Variants in CFAP96 observed in about 807,000 individuals in gnomAD.
The protein encoded by CFAP96 is cilia-and flagella-associated protein 96.
chr4:185,443,342 A>ATATATATATATATATATTTT, the CFAP96 span, among the ~76,000 whole-genome samples: 11 of 26,728 alleles, frequency 4.1e-4, no homozygotes, highest in African/African-American at 1.0e-3. Context: ...ATATATATAT[A>ATATATATATATATATATTTT]TTTTTTTTTT....
the CFAP96 span, among the ~76,000 whole-genome samples, chr4:185,434,841 C>G: frequency 2.0e-5 from 3 of 152,038 alleles, no homozygotes; most frequent in Non-Finnish European, 4.4e-5. Context: ...CAGGTTCAAG[C>G]GAGATTCTCC....
At chr4:185,429,631 A>G in the CFAP96 span, 2 of 623,940 alleles carry the variant, frequency 3.2e-6, no homozygotes, top group Admixed American at 7.4e-5. Flanking sequence ...TTTAGTTCTA[A>G]AGTTTGTTAA....
the CFAP96 span, chr4:185,436,262 A>C: frequency 6.5e-7 from 1 of 1,548,468 alleles, no homozygotes. Context: ...TGAAGTCACC[A>C]TTACTTACTT....
the CFAP96 span, among the ~76,000 whole-genome samples, chr4:185,440,226 T>G: frequency 2.6e-5 from 4 of 152,128 alleles, no homozygotes; most frequent in Admixed American, 2.6e-4. Flanking sequence ...CAGGAAGGGC[T>G]TGAACTAGCG....
At chr4:185,440,125 T>A in the CFAP96 span, among the ~76,000 whole-genome samples, 1 of 151,822 alleles carries the variant, frequency 6.6e-6, no homozygotes, top group Non-Finnish European at 1.5e-5. Context: ...ACAACAGCAT[T>A]AAGTGGGGAA....
the CFAP96 span, chr4:185,413,843 G>T: frequency 6.2e-7 from 1 of 1,610,400 alleles, no homozygotes; most frequent in Non-Finnish European, 8.5e-7. Context: ...AGGGTCTGTC[G>T]TGAGGCAGAT....
At chr4:185,431,974 C>T in the CFAP96 span, 2 of 1,541,056 alleles carry the variant, frequency 1.3e-6, no homozygotes, top group Middle Eastern at 1.7e-4. Context: ...CCTAATTTAT[C>T]TTTAAAGGAC....
At chr4:185,433,429 G>A in the CFAP96 span, among the ~76,000 whole-genome samples, 3 of 146,128 alleles carry the variant, frequency 2.1e-5, no homozygotes, top group Admixed American at 6.8e-5. Flanking sequence ...GAAAAGTAAT[G>A]TTCATTCACA....
At chr4:185,436,373 T>C in the CFAP96 span, 1 of 1,503,652 alleles carries the variant, frequency 6.7e-7, no homozygotes, top group Non-Finnish European at 9.1e-7. Flanking sequence ...AAAAATCTGT[T>C]TTGAATGTTT....
At chr4:185,408,648 C>T in the CFAP96 span, among the ~76,000 whole-genome samples, 5 of 152,186 alleles carry the variant, frequency 3.3e-5, no homozygotes, top group Non-Finnish European at 7.4e-5. Context: ...GCAGGACCTA[C>T]CTTCTGGCCT....
the CFAP96 span, among the ~76,000 whole-genome samples, chr4:185,412,349 A>G: frequency 6.6e-6 from 1 of 152,194 alleles, no homozygotes; most frequent in Non-Finnish European, 1.5e-5. Context: ...GCTTTTGCAG[A>G]TGATCTGCTG....
chr4:185,439,583 A>G, the CFAP96 span, among the ~76,000 whole-genome samples: 1 of 152,014 alleles, frequency 6.6e-6, no homozygotes, highest in Non-Finnish European at 1.5e-5. Context: ...TTTTGAATCT[A>G]TATTTCATAA....
At chr4:185,448,268 G>A in the CFAP96 span, among the ~76,000 whole-genome samples, 3 of 152,136 alleles carry the variant, frequency 2.0e-5, no homozygotes, top group African/African-American at 2.4e-5. Flanking sequence ...TGATCCGCCC[G>A]CCTCAGCCTC....
chr4:185,418,826 G>A, the CFAP96 span: 1 of 1,359,830 alleles, frequency 7.4e-7, no homozygotes, highest in African/African-American at 1.5e-5. Context: ...CAACATGAAT[G>A]GTTCCAAACA....
the CFAP96 span, among the ~76,000 whole-genome samples, chr4:185,439,577 G>T: frequency 2.0e-5 from 3 of 151,756 alleles, no homozygotes; most frequent in East Asian, 5.8e-4. Context: ...ATAGTTTTTT[G>T]AATCTATATT....
At chr4:185,443,792 C>G in the CFAP96 span, among the ~76,000 whole-genome samples, 1 of 151,436 alleles carries the variant, frequency 6.6e-6, no homozygotes, top group Non-Finnish European at 1.5e-5. Flanking sequence ...ATTTTTAATT[C>G]ATTCATTTTG....
At chr4:185,431,608 C>T in the CFAP96 span, among the ~76,000 whole-genome samples, 1 of 152,220 alleles carries the variant, frequency 6.6e-6, no homozygotes, top group African/African-American at 2.4e-5. Context: ...CCCTTCTCTT[C>T]GACCTGCGCA....
At chr4:185,430,987 GGATCACAA>G in the CFAP96 span, among the ~76,000 whole-genome samples, 3 of 152,022 alleles carry the variant, frequency 2.0e-5, no homozygotes, top group African/African-American at 4.8e-5. Context: ...TGAGGTGGGT[GGATCACAA>G]GGTCAGGAGT....
chr4:185,426,769 C>T, the CFAP96 span, among the ~76,000 whole-genome samples: 1 of 151,548 alleles, frequency 6.6e-6, no homozygotes, highest in Admixed American at 6.6e-5. Flanking sequence ...CGGTGGCTGA[C>T]GCCTGTAATC....
Sources: allele counts gnomAD v4.1 joint callset (sites outside exome capture counted in the v4.1 genomes callset), GRCh38; gene constraint gnomAD v4.1.1; transcripts MANE v1.5; gene names NCBI Gene and HGNC (gene_info 2026-07-23, HGNC 2026-07-21).